LY6E: variants seen among roughly 807,000 people sequenced by gnomAD.
LY6E encodes lymphocyte antigen 6E.
In LY6E, 4 loss-of-function variants were observed where a neutral mutation model predicts 7.7. That is an observed-to-expected ratio of 0.52 (90% confidence interval 0.25 to 1.18). LY6E has a LOEUF of 1.18. Among genes scored for constraint, LY6E ranks in the 50% most tolerant of loss-of-function variants. The pLI is 0.14. For synonymous variants in LY6E, 81 were observed against 80.1 expected, an observed-to-expected ratio of 1.01 and a Z score of -0.06; for missense variants, 156 against 168.0, an observed-to-expected ratio of 0.93 and a Z score of 0.40.
chr8:143,021,604 T>C lies in LY6E; in HGVS notation c.211T>C (p.Cys71Arg). 1 of 1,613,964 alleles carries C rather than the reference T, an allele frequency of 6.2e-7. No homozygotes were observed. Among genetic ancestry groups the C allele is most frequent in the Non-Finnish European group, 8.5e-7 (1 of 1,180,012 alleles). ...VTFGHSLSKT[C>R]SPACPIPEGV... ...ATTTGGCCACAGCCTGAGCAAGACC[T>C]GTTCCCCGGCCTGCCCCATCCCAGA... The change falls in exon 4 of 4, where the codon TGT (cysteine) becomes CGT (arginine). Residue 71 changes from cysteine to arginine, a missense_variant. Coordinates refer to ENST00000292494, the MANE Select transcript of LY6E (RefSeq NM_002346.3).
At chr8:143,021,523 G>GCAGCCGTCTGTCTCTCCC (rs1819222917) in intron 3 of LY6E, 43 bp from the exon 4 acceptor site, 1 of 1,612,610 alleles carries the variant, frequency 6.2e-7, no homozygotes, top group East Asian at 2.2e-5. Flanking sequence ...CTGTCTGTCT[G>GCAGCCGTCTGTCTCTCCC]CAGCCGTCTG....
At chr8:143,020,773 G>A in intron 1 of LY6E, 110 bp from the exon 2 acceptor site, 1 of 633,496 alleles carries the variant, frequency 1.6e-6, no homozygotes, top group Admixed American at 2.6e-5. Context: ...CTTGTGTGCT[G>A]GCAGGTCCCT....
At chr8:143,021,200 C>T (rs1819210777) in intron 2 of LY6E, 114 bp from the exon 3 acceptor site, 3 of 1,454,440 alleles carry the variant, frequency 2.1e-6, no homozygotes, top group Non-Finnish European at 2.8e-6. Flanking sequence ...TGTCTTTGCT[C>T]TGCCTTCAGC....
In LY6E at chr8:143,022,078, G is replaced by A. The variant is rs1262129158; in HGVS notation, c.*289G>A. On this transcript the variant is annotated 3_prime_UTR_variant, in exon 4 of 4. Coordinates refer to ENST00000292494, the MANE Select transcript of LY6E (RefSeq NM_002346.3). Reference sequence around the variant, plus strand: ...TCCAACATCAGGACCAAGTCCCATGGACATGCTGACAGGGTCCCCAGGGAG... The same window carrying A: ...TCCAACATCAGGACCAAGTCCCATGAACATGCTGACAGGGTCCCCAGGGAG... The A allele has an allele frequency of 1.9e-6, 1 of 533,472 alleles. No individual in the cohort carries two copies. Among genetic ancestry groups the A allele is most frequent in the East Asian group, 3.1e-5 (1 of 32,694 alleles). The allele number at this position is 533,472 out of a possible 1,614,324, so 33.0% of individuals were successfully genotyped here.
chr8:143,020,018 C>G (rs1819179280), intron 1 of LY6E, among the ~76,000 whole-genome samples: 1 of 152,168 alleles, frequency 6.6e-6, no homozygotes, highest in African/African-American at 2.4e-5. Flanking sequence ...CATTTCCCAG[C>G]CACAGAATGG....
rs1173521261 is a variant in LY6E, at chr8:143,021,953, T to TCTGCCC, written c.*166_*171dup. The stretch of plus-strand genomic sequence containing the variant: ...ACCTCCACCTGCCCCAGCCCCTGCC[T>TCTGCCC]CTGCCCCAAGTGGGGCCAGCTGCCC... On this transcript the variant is annotated 3_prime_UTR_variant, in exon 4 of 4. Coordinates refer to ENST00000292494, the MANE Select transcript of LY6E (RefSeq NM_002346.3). 5.2e-5 allele frequency: 34 copies of TCTGCCC among 652,390 alleles called. No homozygotes were observed. Among genetic ancestry groups the TCTGCCC allele is most frequent in the African/African-American group, 7.4e-5 (4 of 54,188 alleles). The allele number at this position is 652,390 out of a possible 1,614,324, so 40.4% of individuals were successfully genotyped here.
In LY6E at chr8:143,021,599, A is replaced by G; in HGVS notation, c.206A>G (p.Lys69Arg). ...NLVTFGHSLS[K>R]TCSPACPIPE... ...GTGACATTTGGCCACAGCCTGAGCA[A>G]GACCTGTTCCCCGGCCTGCCCCATC... The change falls in exon 4 of 4, where the codon AAG becomes AGG. Residue 69 changes from lysine to arginine, a missense_variant. Coordinates refer to ENST00000292494, the MANE Select transcript of LY6E (RefSeq NM_002346.3). 1 of 1,613,996 alleles carries G rather than the reference A, an allele frequency of 6.2e-7. No homozygotes were observed. Among genetic ancestry groups the G allele is most frequent in the Non-Finnish European group, 8.5e-7 (1 of 1,180,030 alleles).
chr8:143,020,495 T>C (rs1819191688), intron 1 of LY6E: 2 of 172,268 alleles, frequency 1.2e-5, no homozygotes, highest in Admixed American at 1.1e-4. Context: ...TGGCCTCACA[T>C]AGCATGGAGA....
chr8:143,021,577 A>C lies in LY6E; in HGVS notation c.184A>C (p.Thr62Pro). The change falls in exon 4 of 4, where the codon ACA (threonine) becomes CCA (proline). Residue 62 changes from threonine to proline, a missense_variant. Coordinates refer to ENST00000292494, the MANE Select transcript of LY6E (RefSeq NM_002346.3). ...SASAGIGNLVTFGHSLSKTCS... is the reference protein window; with the variant it reads ...SASAGIGNLVPFGHSLSKTCS... ...CATTTCCCATGCAGGGAATCTCGTG[A>C]CATTTGGCCACAGCCTGAGCAAGAC... 1 of 1,613,866 alleles carries C rather than the reference A, an allele frequency of 6.2e-7. No homozygotes were observed. The highest frequency in any genetic ancestry group is 8.5e-7 in the Non-Finnish European group (1 of 1,180,012).
At chr8:143,019,718 C>A (rs1033310115) in intron 1 of LY6E, among the ~76,000 whole-genome samples, 28 of 152,342 alleles carry the variant, frequency 1.8e-4, no homozygotes, top group African/African-American at 6.7e-4. Context: ...CTCTCCAGAT[C>A]TGTTCTCTGA....
rs1315041225 is a variant in LY6E, at chr8:143,021,803, G to A, written c.*14G>A. On this transcript the variant is annotated 3_prime_UTR_variant, in exon 4 of 4. Transcript: ENST00000292494. The stretch of plus-strand genomic sequence containing the variant: ...TTTGGCCCCTGACCGCCCAGACCCT[G>A]TCCCCCGATCCCCCAGCTCAGGAAG... 1 of 1,583,970 alleles carries A rather than the reference G, an allele frequency of 6.3e-7. No homozygotes were observed. The highest frequency in any genetic ancestry group is 1.7e-5 in the Admixed American group (1 of 58,692).
chr8:143,020,809 C>G lies in LY6E; in HGVS notation c.-57-74C>G, dbSNP rs1819200313. On this transcript the variant is annotated intron_variant, in intron 1 of 3. Coordinates refer to ENST00000292494, the MANE Select transcript of LY6E (RefSeq NM_002346.3). ...TCCCCTCTGCTGTCTGTGTCCTCATCTGCAAAGTGGGGGTGCATGGTCTTG... is the reference window on the plus strand; with the variant it reads ...TCCCCTCTGCTGTCTGTGTCCTCATGTGCAAAGTGGGGGTGCATGGTCTTG... 5 of 776,166 alleles carry G rather than the reference C, an allele frequency of 6.4e-6. No homozygotes were observed. In the South Asian group the frequency reaches 8.2e-5, roughly 13 times the overall value. The allele number at this position is 776,166 out of a possible 1,614,324, so 48.1% of individuals were successfully genotyped here.
In LY6E at chr8:143,020,883, A is replaced by C. The variant is rs1379289834; in HGVS notation, c.-57A>C. On this transcript the variant is annotated splice_region_variant and 5_prime_UTR_variant, in exon 2 of 4. Coordinates refer to ENST00000292494, the MANE Select transcript of LY6E (RefSeq NM_002346.3). ...CCCCCTAACCAGTGTGTCTCTCCAG[A>C]GCAGGACAGGCTGCTTTGGTTTGTG... 1.3e-6 allele frequency: 2 copies of C among 1,560,782 alleles called. No individual in the cohort carries two copies. Among genetic ancestry groups the C allele is most frequent in the Non-Finnish European group, 1.8e-6 (2 of 1,134,952 alleles).
chr8:143,021,119 G>T (rs1212096540), intron 2 of LY6E, 128 bp downstream of exon 2: 10 of 1,260,658 alleles, frequency 7.9e-6, no homozygotes, highest in Non-Finnish European at 1.1e-5. Flanking sequence ...GGCTCACCCG[G>T]CCTGGCCACA....
intron 1 of LY6E, 150 bp from the exon 2 acceptor site, chr8:143,020,733 G>C (rs1451072631): frequency 1.2e-5 from 7 of 599,736 alleles, no homozygotes; most frequent in Admixed American, 2.9e-5. Flanking sequence ...CACTGAGTGA[G>C]GAGTGGGTCA....
At chr8:143,018,953 T>C (rs919196740) in intron 1 of LY6E, 1 of 152,092 alleles carries the variant, frequency 6.6e-6, no homozygotes, top group African/African-American at 2.4e-5. Context: ...CAGACGCTCC[T>C]GGCTCCTCTA....
In LY6E at chr8:143,022,350, A is replaced by G; in HGVS notation, c.*561A>G. On this transcript the variant is annotated 3_prime_UTR_variant, in exon 4 of 4. Coordinates refer to ENST00000292494, the MANE Select transcript of LY6E (RefSeq NM_002346.3). ...AATCCAGCCAGTCCTGCCCCAGCCC[A>G]CCCCCACATTGGAGCCCTCCTGCTG... is the stretch of plus-strand genomic sequence containing the variant. 1 of 156,320 alleles carries G rather than the reference A, an allele frequency of 6.4e-6. No homozygotes were observed. 9.7% of individuals were successfully genotyped at this position (156,320 alleles called of 1,614,324 possible). A position where few individuals can be genotyped will look rare whatever the true frequency, so the allele number is the denominator to read the frequency against.
intron 1 of LY6E, among the ~76,000 whole-genome samples, chr8:143,019,433 C>T (rs1819160933): frequency 6.6e-6 from 1 of 152,220 alleles, no homozygotes; most frequent in Non-Finnish European, 1.5e-5. Flanking sequence ...GAGCAGGTGG[C>T]GGCACCAGCT....
rs1196130820 is a variant in LY6E, at chr8:143,018,954, G to A, written c.-58+368G>A. ...CCATCACCCAACTCCAGACGCTCCT[G>A]GCTCCTCTACGTGGGCCGGGAGGGA... On this transcript the variant is annotated intron_variant, in intron 1 of 3. Transcript: ENST00000292494. 2.0e-5 allele frequency: 3 copies of A among 152,238 alleles called. No individual in the cohort carries two copies. In the East Asian group the frequency reaches 5.8e-4, roughly 29 times the overall value. The allele number at this position is 152,238 out of a possible 1,614,324, so 9.4% of individuals were successfully genotyped here.
Sources: gnomAD v4.1 joint callset for allele counts (sites outside exome capture counted in the v4.1 genomes callset) on GRCh38, gnomAD v4.1.1 for gene constraint, MANE v1.5 for transcripts, NCBI Gene and HGNC (gene_info 2026-07-23, HGNC 2026-07-21) for gene names.